Variants in TEC observed in about 807,000 individuals in gnomAD.
TEC encodes tyrosine-protein kinase Tec.
TEC carries 72 observed loss-of-function variants against 93.0 expected under a neutral mutation model. The observed-to-expected ratio is 0.77, with a 90% confidence interval of 0.64 to 0.94. The LOEUF is 0.94. TEC is among the 40% of genes least tolerant of loss of function. The pLI is 0.00. For missense variants in TEC, 630 were observed against 757.9 expected, an observed-to-expected ratio of 0.83 and a Z score of 1.98; for synonymous variants, 249 against 247.7, an observed-to-expected ratio of 1.01 and a Z score of -0.05.
rs1307964115 is a variant in TEC at position 48,185,860 on chromosome 4, C to T, written c.139-9674G>A. 8.2e-4 allele frequency among the ~76,000 whole-genome samples: 120 copies of T among 146,952 alleles called. 3 individuals carry two copies. Among genetic ancestry groups the T allele is most frequent in the Non-Finnish European group, 2.3e-4 (15 of 66,436 alleles). On this transcript the variant is annotated intron_variant, in intron 2 of 17. Transcript: ENST00000381501. ...CCCTCTCCCTCTCCCTCTCCCGTCT[C>T]CCTCTCCCTCTCACCGGTCTCCCTC...
At chr4:48,194,143 T>C (rs1457019397) in intron 2 of TEC, among the ~76,000 whole-genome samples, 1 of 152,164 alleles carries the variant, frequency 6.6e-6, no homozygotes, top group African/African-American at 2.4e-5. Context: ...GTGGCAATTC[T>C]CCTAAAGCCT....
chr4:48,169,817 T>C (rs575678070), intron 5 of TEC, among the ~76,000 whole-genome samples: 4 of 152,332 alleles, frequency 2.6e-5, no homozygotes, highest in South Asian at 2.1e-4. Context: ...TATGACATGT[T>C]ACTGTTCTAA....
intron 12 of TEC, among the ~76,000 whole-genome samples, chr4:48,145,916 C>G (rs1435200627): frequency 6.6e-6 from 1 of 151,058 alleles, no homozygotes; most frequent in Admixed American, 6.6e-5. Flanking sequence ...TGTTGTTGTT[C>G]TTTTTCAATT....
At chr4:48,266,698 C>T (rs1431720235) in intron 1 of TEC, among the ~76,000 whole-genome samples, 2 of 152,036 alleles carry the variant, frequency 1.3e-5, no homozygotes, top group African/African-American at 4.8e-5. Flanking sequence ...ATTAGCTAGG[C>T]GTGGTGGCAC....
At chr4:48,173,061 A>G (rs114083822) in intron 3 of TEC, among the ~76,000 whole-genome samples, 184 of 152,316 alleles carry the variant, frequency 1.2e-3, no homozygotes, top group African/African-American at 3.9e-3. Context: ...TCATCCATAC[A>G]GCAATCCAGT....
intron 1 of TEC, among the ~76,000 whole-genome samples, chr4:48,267,163 T>G (rs1258514972): frequency 6.6e-6 from 1 of 152,264 alleles, no homozygotes; most frequent in Non-Finnish European, 1.5e-5. Context: ...AAACTTTGGC[T>G]TCTGTGCCCA....
At chr4:48,265,227 CA>C (rs1205177429) in intron 1 of TEC, among the ~76,000 whole-genome samples, 1 of 150,870 alleles carries the variant, frequency 6.6e-6, no homozygotes. Context: ...TTCAGGCAAC[CA>C]AAAAAATAGA....
At chr4:48,266,445 G>A (rs1724640088) in intron 1 of TEC, among the ~76,000 whole-genome samples, 1 of 152,292 alleles carries the variant, frequency 6.6e-6, no homozygotes, top group East Asian at 1.9e-4. Flanking sequence ...AAAATACCTG[G>A]TCAATTGAGG....
chr4:48,204,472 C>T (rs745940522), intron 2 of TEC, among the ~76,000 whole-genome samples: 1 of 152,204 alleles, frequency 6.6e-6, no homozygotes, highest in African/African-American at 2.4e-5. Context: ...CCAGACTTCA[C>T]GTGCCTTTTC....
chr4:48,186,686 C>A (rs1208996047), intron 2 of TEC, among the ~76,000 whole-genome samples: 1 of 150,628 alleles, frequency 6.6e-6, no homozygotes, highest in Admixed American at 6.6e-5. Flanking sequence ...AAGTGAGGAG[C>A]CCCTCCGCCC....
chr4:48,168,772 T>A (rs546218704), intron 5 of TEC, 146 bp from the exon 6 acceptor site: 2 of 770,938 alleles, frequency 2.6e-6, no homozygotes, highest in South Asian at 3.2e-5. Context: ...GCTGCTTGTA[T>A]CTCTATTCTA....
At chr4:48,151,972 G>T (rs1037041069) in intron 9 of TEC, among the ~76,000 whole-genome samples, 23 of 152,102 alleles carry the variant, frequency 1.5e-4, no homozygotes, top group Non-Finnish European at 3.1e-4. Flanking sequence ...TCAATCTCTA[G>T]TATTTAAATT....
chr4:48,253,160 T>G (rs1165082455), intron 1 of TEC, among the ~76,000 whole-genome samples: 4 of 152,214 alleles, frequency 2.6e-5, no homozygotes, highest in African/African-American at 9.6e-5. Flanking sequence ...TCATTTTTAC[T>G]ATCATGAAAT....
chr4:48,161,134 G>C (rs2109532554), intron 8 of TEC, among the ~76,000 whole-genome samples: 1 of 152,168 alleles, frequency 6.6e-6, no homozygotes, highest in East Asian at 1.9e-4. Flanking sequence ...AACCCGGAAA[G>C]GTCAGACCCT....
intron 1 of TEC, among the ~76,000 whole-genome samples, chr4:48,240,764 A>G (rs549335797): frequency 6.6e-6 from 1 of 152,012 alleles, no homozygotes; most frequent in African/African-American, 2.4e-5. Context: ...CAAATGGCAG[A>G]CTTTTTATAA....
chr4:48,212,110 A>AAAAAAAAAAAAAATATATATATAT, intron 2 of TEC, among the ~76,000 whole-genome samples: 1 of 122,252 alleles, frequency 8.2e-6, no homozygotes, highest in African/African-American at 3.0e-5. Context: ...AAAAAAAAAA[A>AAAAAAAAAAAAAATATATATATAT]ATATATATAT....
intron 2 of TEC, among the ~76,000 whole-genome samples, chr4:48,179,376 A>ATATATATT (rs1560393438): frequency 5.7e-4 from 12 of 21,158 alleles, no homozygotes; most frequent in South Asian, 2.9e-3. Flanking sequence ...ATATATATAT[A>ATATATATT]TTTTTTTTTT....
intron 2 of TEC, among the ~76,000 whole-genome samples, chr4:48,191,793 T>G (rs1722101856): frequency 6.6e-6 from 1 of 152,060 alleles, no homozygotes; most frequent in Non-Finnish European, 1.5e-5. Context: ...AATTTAAAAA[T>G]TACCCAGGTG....
chr4:48,170,473 A>C, intron 4 of TEC, 97 bp from the exon 5 acceptor site: 3 of 833,840 alleles, frequency 3.6e-6, no homozygotes, highest in Non-Finnish European at 5.4e-6. Flanking sequence ...TTTCTTGGAC[A>C]CTATGTTTAC....
Sources: gnomAD v4.1 joint callset for allele counts (sites outside exome capture counted in the v4.1 genomes callset) on GRCh38, gnomAD v4.1.1 for gene constraint, MANE v1.5 for transcripts, NCBI Gene and HGNC (gene_info 2026-07-23, HGNC 2026-07-21) for gene names.